CDAN1: variants seen among roughly 807,000 people sequenced by gnomAD.
CDAN1 encodes the protein codanin 1.
CDAN1 carries 107 observed loss-of-function variants against 139.8 expected under a neutral mutation model. That is an observed-to-expected ratio of 0.77 (90% CI 0.65 to 0.90). The LOEUF is 0.90. Among genes scored for constraint, CDAN1 ranks in the 40% least tolerant of loss-of-function variants. The pLI is 0.00. For missense variants in CDAN1, 1,667 were observed against 1,575.7 expected (o/e 1.06, Z -0.98); for synonymous variants, 776 against 660.6 (o/e 1.17, Z -2.68).
At chr15:42,729,701 C>T (rs756748989) in intron 16 of CDAN1, 79 bp from the exon 17 acceptor site, 8 of 1,594,658 alleles carry the variant, frequency 5.0e-6, no homozygotes, top group Admixed American at 1.7e-5. Flanking sequence ...AGGGCCTTTA[C>T]AAGGGTTACA....
chr15:42,730,705 C>T lies in CDAN1; in HGVS notation c.2067G>A (p.Ala689=), dbSNP rs147161012. The change falls in exon 14 of 28, where the codon GCG becomes GCA. Residue 689 remains alanine, a synonymous_variant. Coordinates refer to ENST00000356231, the MANE Select transcript of CDAN1 (RefSeq NM_138477.4). The part of the protein sequence containing the change: ...LLQRGLQARR[A]VLTVPWLVEF... ...CCACCAGCCAGGGCACGGTGAGCACCGCCCGGCGGGCCTGCAGCCCTCGCT... is the reference window on the plus strand; with the variant it reads ...CCACCAGCCAGGGCACGGTGAGCACTGCCCGGCGGGCCTGCAGCCCTCGCT... The T allele has an allele frequency of 7.4e-4, 1,191 of 1,613,558 alleles. 4 individuals carry two copies. The African/African-American group carries it at 0.01, about 14-fold the overall frequency.
intron 17 of CDAN1, 54 bp from the exon 18 acceptor site, chr15:42,729,416 T>C: frequency 1.2e-6 from 2 of 1,611,150 alleles, no homozygotes; most frequent in East Asian, 2.2e-5. Flanking sequence ...CCTCCCTAAG[T>C]ATCATGGACT....
Position 42,728,743 on chromosome 15 carries a change from C to A in CDAN1, c.2713G>T (p.Gly905Ter). 1 of 1,614,190 alleles carries A rather than the reference C, an allele frequency of 6.2e-7. No homozygotes were observed. The highest frequency in any genetic ancestry group is 2.2e-5 in the East Asian group (1 of 44,864). The change falls in exon 20 of 28, where the codon GGA (glycine) becomes TGA (stop). Residue 905 changes from glycine (G) to a stop codon, truncating the protein, a stop_gained. Transcript: ENST00000356231. LOFTEE classifies it high-confidence loss of function. The stretch of plus-strand genomic sequence containing the variant: ...TGGGCTGGGTCTCCCCCTTCCTCTC[C>A]CTGTGTCACCAGCTGCTCTTGGAGA... ...SLLQEQLVTQ[G>*]EEGGDPAQLL...
In CDAN1 at chr15:42,736,080, T is replaced by C. The variant is rs530521066; in HGVS notation, c.570-2A>G. On this transcript the variant is annotated splice_acceptor_variant, in intron 2 of 27. Transcript: ENST00000356231. LOFTEE classifies it high-confidence loss of function. ...TTGATCCTGCGAGAAGGCTTCGTCCTGCTGAGAGTAGCCACAGGTTTTTCT... is the reference window on the plus strand; with the variant it reads ...TTGATCCTGCGAGAAGGCTTCGTCCCGCTGAGAGTAGCCACAGGTTTTTCT... 2.5e-6 allele frequency: 4 copies of C among 1,614,118 alleles called. No homozygotes were observed. Among genetic ancestry groups the C allele is most frequent in the East Asian group, 4.5e-5 (2 of 44,860 alleles).
chr15:42,730,968 G>A lies in CDAN1; in HGVS notation c.1964C>T (p.Pro655Leu), dbSNP rs368192130. 119 of 1,614,042 alleles carry A rather than the reference G, an allele frequency of 7.4e-5. 1 individual carries two copies. Among genetic ancestry groups the A allele is most frequent in the Non-Finnish European group, 9.0e-5 (106 of 1,180,026 alleles). Residue 655 changes from proline to leucine, a missense_variant, in exon 13 of 28, where the codon CCG becomes CTG. By Grantham distance (98) the Pro-to-Leu change is moderately conservative. Coordinates refer to ENST00000356231, the MANE Select transcript of CDAN1 (RefSeq NM_138477.4). ...AATGGAGTCCTGAAGCTCACCGGTC[G>A]GGGGAGGTTCAGGCCCCCGGTATGG... ...FLPYRGPEPPPTGELQDSILA... is the reference protein window; with the variant it reads ...FLPYRGPEPPLTGELQDSILA...
Position 42,732,781 on chromosome 15 carries a change from T to C in CDAN1, c.1457+316A>G, listed in dbSNP as rs567096226. ...TGCCCAAATTAGAGGATGGAGAAGA[T>C]GGAGGCTGGATGTGTCTAAGCAGTG... On this transcript the variant is annotated intron_variant, in intron 9 of 27. Transcript: ENST00000356231. 2.7e-4 allele frequency among the ~76,000 whole-genome samples: 41 copies of C among 150,856 alleles called. 1 individual carries two copies. The highest frequency in any genetic ancestry group is 5.4e-4 in the Non-Finnish European group (37 of 68,008).
At chr15:42,724,888 A>T (rs992330478) in intron 27 of CDAN1, 1 of 609,012 alleles carries the variant, frequency 1.6e-6, no homozygotes, top group Non-Finnish European at 2.9e-6. Context: ...TTCCCGTTAA[A>T]ATCCAGGTTA....
In CDAN1 at chr15:42,728,991, C is replaced by G. The variant is rs374649955; in HGVS notation, c.2645+32G>C. ...GGAAAAAGGGGAAAAAATGGTAGGGCGATGAGACCAGGATCCTTAACCCAC... is the reference window on the plus strand; with the variant it reads ...GGAAAAAGGGGAAAAAATGGTAGGGGGATGAGACCAGGATCCTTAACCCAC... On this transcript the variant is annotated intron_variant, in intron 19 of 27. Transcript: ENST00000356231. 1.1e-5 allele frequency: 18 copies of G among 1,604,182 alleles called. No homozygotes were observed. In the Middle Eastern group the frequency reaches 2.5e-3, roughly 221 times the overall value.
chr15:42,729,907 A>T (rs1163663258), intron 15 of CDAN1, 22 bp from the exon 16 acceptor site: 5 of 1,600,752 alleles, frequency 3.1e-6, no homozygotes, highest in Non-Finnish European at 3.4e-6. Context: ...GTCACAATTC[A>T]GGTCAACTTC....
rs751963997 is a variant in CDAN1, at chr15:42,731,774, C to G, written c.1585G>C (p.Asp529His). The G allele has an allele frequency of 3.7e-6, 6 of 1,614,060 alleles. No individual in the cohort carries two copies. Among genetic ancestry groups the G allele is most frequent in the Non-Finnish European group, 5.1e-6 (6 of 1,180,050 alleles). ...AGGTVLGEAP[D>H]VLSMLGADKL... Reference sequence around the variant, plus strand: ...TCAGCTCCCAGCATACTCAACACATCTGGGGCCTCGCCCAAGACGGTGCCC... The same window carrying G: ...TCAGCTCCCAGCATACTCAACACATGTGGGGCCTCGCCCAAGACGGTGCCC... Residue 529 changes from aspartate (D) to histidine (H), a missense_variant, in exon 11 of 28, where the codon GAT becomes CAT. Transcript: ENST00000356231.
intron 27 of CDAN1, 38 bp downstream of exon 27, chr15:42,725,106 C>G (rs1262660665): frequency 3.3e-6 from 5 of 1,513,778 alleles, no homozygotes; most frequent in Admixed American, 1.7e-5. Context: ...TATGTAACAC[C>G]TGTTCTCTCT....
intron 2 of CDAN1, 70 bp downstream of exon 2, chr15:42,736,232 G>A (rs1196596436): frequency 1.9e-6 from 3 of 1,598,210 alleles, no homozygotes; most frequent in Non-Finnish European, 2.6e-6. Context: ...ACTGCGGAGC[G>A]CCGAGCTCGA....
In CDAN1 at chr15:42,736,387, G is replaced by C; in HGVS notation, c.484C>G (p.Pro162Ala). The change falls in exon 2 of 28, where the codon CCC (proline) becomes GCC (alanine). Residue 162 changes from proline to alanine, a missense_variant. Physicochemically the swap from Pro to Ala is conservative, Grantham distance 27 (BLOSUM62 -1). Coordinates refer to ENST00000356231, the MANE Select transcript of CDAN1 (RefSeq NM_138477.4). ...RLRGSGSPSRPSLTLSDPPNL... is the reference protein window; with the variant it reads ...RLRGSGSPSRASLTLSDPPNL... ...GGCGGATCAGACAGCGTGAGGCTGG[G>C]GCGGCTGGGGCTGCCAGAGCCCCTA... The C allele has an allele frequency of 6.2e-7, 1 of 1,612,914 alleles. No individual in the cohort carries two copies. Among genetic ancestry groups the C allele is most frequent in the Non-Finnish European group, 8.5e-7 (1 of 1,179,736 alleles).
Position 42,729,883 on chromosome 15 carries a change from A to T in CDAN1, c.2265T>A (p.Ile755=). Residue 755 remains isoleucine (I), a splice_region_variant and synonymous_variant, in exon 16 of 28, where the codon ATT becomes ATA. Transcript: ENST00000356231. The part of the protein sequence containing the change: ...LLAVLGWLFQ[I]PTVPEDLFFL... Reference sequence around the variant, plus strand: ...AGAACAAGTCCTCAGGGACTGTGGGAATCTGGCAAGACAGTCACAATTCAG... The same window carrying T: ...AGAACAAGTCCTCAGGGACTGTGGGTATCTGGCAAGACAGTCACAATTCAG... The T allele has an allele frequency of 6.2e-7, 1 of 1,612,348 alleles. No individual in the cohort carries two copies. The highest frequency in any genetic ancestry group is 8.5e-7 in the Non-Finnish European group (1 of 1,179,260).
Position 42,736,603 on chromosome 15 carries a change from G to T in CDAN1, c.268C>A (p.Pro90Thr). The change falls in exon 2 of 28, where the codon CCG becomes ACG. Residue 90 changes from proline to threonine, a missense_variant. This residue lies in a region of CDAN1 where 487 missense variants were observed against 422.2 expected (regional missense o/e 1.15). Coordinates refer to ENST00000356231, the MANE Select transcript of CDAN1 (RefSeq NM_138477.4). ...AALPGRPGGP[P>T]RGSRGARSQL... ...CTGCGCGCCCCGCGGCTACCCCGCGGCGGGCCTCCCGGCCTCCCTGGCAAG... is the reference window on the plus strand; with the variant it reads ...CTGCGCGCCCCGCGGCTACCCCGCGTCGGGCCTCCCGGCCTCCCTGGCAAG... 1 of 1,503,466 alleles carries T rather than the reference G, an allele frequency of 6.7e-7. No individual in the cohort carries two copies. Among genetic ancestry groups the T allele is most frequent in the South Asian group, 1.3e-5 (1 of 79,910 alleles). 93.1% of individuals were successfully genotyped at this position (1,503,466 alleles called of 1,614,324 possible). A position where few individuals can be genotyped will look rare whatever the true frequency, so the allele number is the denominator to read the frequency against.
rs752497931 is a variant in CDAN1, at chr15:42,729,185, A to AC, written c.2541+43dup. On this transcript the variant is annotated intron_variant, in intron 18 of 27. Coordinates refer to ENST00000356231, the MANE Select transcript of CDAN1 (RefSeq NM_138477.4). Reference sequence around the variant, plus strand: ...TCCAGCCTCCCTGTCCCCGCCCCCAACCCCCCCTCATTTTCCCCACGGCTG... The same window carrying AC: ...TCCAGCCTCCCTGTCCCCGCCCCCAACCCCCCCCTCATTTTCCCCACGGCTG... 9.1e-5 allele frequency: 130 copies of AC among 1,434,336 alleles called. No homozygotes were observed. The African/African-American group carries it at 9.7e-4, about 11-fold the overall frequency. 88.9% of individuals were successfully genotyped at this position (1,434,336 alleles called of 1,614,324 possible).
chr15:42,729,300 T>C lies in CDAN1; in HGVS notation c.2470A>G (p.Met824Val), dbSNP rs1451600295. 3.7e-6 allele frequency: 6 copies of C among 1,613,612 alleles called. No homozygotes were observed. Among genetic ancestry groups the C allele is most frequent in the Non-Finnish European group, 5.1e-6 (6 of 1,179,896 alleles). ...SGSSGRSGGF[M>V]RKITPTTTTS... is the part of the protein sequence containing the mutation. ...GTAGTGGTGGGGGTGATTTTCCTCATGAAGCCCCCACTCCGTCCACTACTG... is the reference window on the plus strand; with the variant it reads ...GTAGTGGTGGGGGTGATTTTCCTCACGAAGCCCCCACTCCGTCCACTACTG... The change falls in exon 18 of 28, where the codon ATG (methionine) becomes GTG (valine). Residue 824 changes from methionine to valine, a missense_variant. This residue lies in a region of CDAN1 where 936 missense variants were observed against 844.1 expected (regional missense o/e 1.11). Coordinates refer to ENST00000356231, the MANE Select transcript of CDAN1 (RefSeq NM_138477.4).
Position 42,725,523 on chromosome 15 carries a change from T to G in CDAN1, c.3416A>C (p.Asn1139Thr). 1 of 1,614,176 alleles carries G rather than the reference T, an allele frequency of 6.2e-7. No individual in the cohort carries two copies. ...CCTTGTGTCTGCCAGAAGCCCCACA[T>G]TTCTTGGGCTCAGCAGCAGCTGCAG... is the stretch of plus-strand genomic sequence containing the variant. ...VPLQLLLSPR[N>T]VGLLADTRPR... is the part of the protein sequence containing the mutation. The change falls in exon 26 of 28, where the codon AAT becomes ACT. Residue 1139 changes from asparagine (N) to threonine (T), a missense_variant. Physicochemically the swap from Asn to Thr is moderately conservative, Grantham distance 65. Transcript: ENST00000356231.
intron 25 of CDAN1, 68 bp from the exon 26 acceptor site, chr15:42,725,738 A>T: frequency 6.6e-7 from 1 of 1,513,760 alleles, no homozygotes; most frequent in Non-Finnish European, 9.1e-7. Context: ...CACACCTATA[A>T]TCCCAACACT....
Sources: allele counts gnomAD v4.1 joint callset (sites outside exome capture counted in the v4.1 genomes callset), GRCh38; gene constraint gnomAD v4.1.1; regional missense constraint gnomAD v4.1.1; transcripts MANE v1.5; gene names NCBI Gene and HGNC (gene_info 2026-07-23, HGNC 2026-07-21).